Variants in ZNF704 observed in about 807,000 individuals in gnomAD.
The protein encoded by ZNF704 is glucocorticoid induced gene 1.
ZNF704 carries 10 observed loss-of-function variants against 44.7 expected under a neutral mutation model. The observed-to-expected ratio is 0.22, with a 90% CI of 0.14 to 0.38. The LOEUF is 0.38. Ranked by LOEUF, ZNF704 falls within the 10% of genes least tolerant of loss-of-function variation. The pLI is 1.00. For missense variants in ZNF704, 390 were observed against 545.5 expected, an observed-to-expected ratio of 0.71 and a Z score of 2.84; for synonymous variants, 211 against 207.6, an observed-to-expected ratio of 1.02 and a Z score of -0.14.
intron 2 of ZNF704, among the ~76,000 whole-genome samples, chr8:80,790,579 T>C (rs1347494117): frequency 6.6e-6 from 1 of 152,016 alleles, no homozygotes; most frequent in Non-Finnish European, 1.5e-5. Flanking sequence ...AGTGATCAGG[T>C]GACAATGATA....
chr8:80,676,210 C>CA (rs1818363415), intron 4 of ZNF704, among the ~76,000 whole-genome samples: 1 of 152,090 alleles, frequency 6.6e-6, no homozygotes, highest in Non-Finnish European at 1.5e-5. Flanking sequence ...TTTAGGAAAA[C>CA]AGAGAGAGTA....
intron 1 of ZNF704, among the ~76,000 whole-genome samples, chr8:80,851,454 C>G (rs1808862172): frequency 6.6e-6 from 1 of 151,924 alleles, no homozygotes; most frequent in South Asian, 2.1e-4. Flanking sequence ...CTATCACATT[C>G]TCAGCAAACT....
At chr8:80,715,322 ATTCT>A (rs1373194572) in intron 2 of ZNF704, among the ~76,000 whole-genome samples, 1 of 152,018 alleles carries the variant, frequency 6.6e-6, no homozygotes, top group Non-Finnish European at 1.5e-5. Context: ...TGAACGTTTT[ATTCT>A]TTTTCTTCTG....
intron 1 of ZNF704, among the ~76,000 whole-genome samples, chr8:80,850,705 C>A (rs922973107): frequency 8.5e-5 from 13 of 152,176 alleles, no homozygotes; most frequent in Non-Finnish European, 1.5e-4. Flanking sequence ...TACAGACTCC[C>A]CTAAGTAGTG....
In ZNF704 at chr8:80,808,710, T is replaced by C. The variant is rs570986004; in HGVS notation, c.221+12664A>G. On this transcript the variant is annotated intron_variant, in intron 2 of 8. Transcript: ENST00000327835. The stretch of plus-strand genomic sequence containing the variant: ...TCAACGTGATCGTTTGATACAATCA[T>C]TAAGACTAGCTACCTGCTTAGTATT... Among the ~76,000 whole-genome samples the C allele has an allele frequency of 2.6e-5, 4 of 152,312 alleles. No individual in the cohort carries two copies. The East Asian group carries it at 7.7e-4, about 29-fold the overall frequency.
upstream of ZNF704, among the ~76,000 whole-genome samples, chr8:80,878,249 AAAGAAAGGAAGGAAGGAAGG>A (rs1188169608): frequency 2.2e-5 from 3 of 137,094 alleles, no homozygotes; most frequent in Admixed American, 7.7e-5. Flanking sequence ...AAAGAAAGAG[AAAGAAAGGAAGGAAGGAAGG>A]AAGGAAGGAA....
At chr8:80,709,867 C>T (rs745312670) in intron 2 of ZNF704, among the ~76,000 whole-genome samples, 2 of 152,168 alleles carry the variant, frequency 1.3e-5, no homozygotes, top group Non-Finnish European at 1.5e-5. Flanking sequence ...CCACCATGCT[C>T]CCCACAGTAG....
chr8:80,764,173 T>C (rs1021517482), intron 2 of ZNF704, among the ~76,000 whole-genome samples: 7 of 152,202 alleles, frequency 4.6e-5, no homozygotes, highest in Non-Finnish European at 8.8e-5. Context: ...CCCCACTCTC[T>C]GTGGTACCAA....
chr8:80,682,170 C>T (rs992342195), intron 4 of ZNF704, among the ~76,000 whole-genome samples: 6 of 152,166 alleles, frequency 3.9e-5, no homozygotes, highest in Admixed American at 2.6e-4. Flanking sequence ...CATGCTTATT[C>T]GTGAGGGTTT....
chr8:80,739,841 C>G (rs1251916776), intron 2 of ZNF704, among the ~76,000 whole-genome samples: 3 of 152,184 alleles, frequency 2.0e-5, no homozygotes, highest in Non-Finnish European at 4.4e-5. Context: ...GTCCATGTCC[C>G]TTATGTCAAG....
chr8:80,657,198 A>T (rs1169496268), intron 7 of ZNF704, among the ~76,000 whole-genome samples: 1 of 152,138 alleles, frequency 6.6e-6, no homozygotes, highest in East Asian at 1.9e-4. Context: ...ATGGCCAGAG[A>T]GTTTAGCAAC....
intron 2 of ZNF704, among the ~76,000 whole-genome samples, chr8:80,742,012 A>G (rs1395815230): frequency 6.6e-6 from 1 of 152,206 alleles, no homozygotes; most frequent in Non-Finnish European, 1.5e-5. Context: ...ATGCCCACAC[A>G]GCAATATGGA....
rs1817644019 is a variant in ZNF704 at position 80,635,000 on chromosome 8, G to C, written c.*6366C>G. On this transcript the variant is annotated 3_prime_UTR_variant, in exon 9 of 9. Transcript: ENST00000327835. ...AACTCTGTGCATTTCTAGTCCTCAA[G>C]TGTGCAGATTCTAAAGCCTATTTGA... The C allele has an allele frequency of 6.6e-6, 1 of 152,174 alleles. No homozygotes were observed. The highest frequency in any genetic ancestry group is 2.4e-5 in the African/African-American group (1 of 41,444). The allele number at this position is 152,174 out of a possible 1,614,324, so 9.4% of individuals were successfully genotyped here.
intron 1 of ZNF704, among the ~76,000 whole-genome samples, chr8:80,840,263 G>A (rs2129961149): frequency 6.6e-6 from 1 of 152,320 alleles, no homozygotes; most frequent in East Asian, 1.9e-4. Context: ...GGCTTTGACT[G>A]TGGCCAACAC....
At chr8:80,801,430 T>A (rs746495861) in intron 2 of ZNF704, among the ~76,000 whole-genome samples, 7 of 152,078 alleles carry the variant, frequency 4.6e-5, no homozygotes, top group Non-Finnish European at 1.0e-4. Flanking sequence ...AAAAACACTC[T>A]ACAGCAAATG....
chr8:80,855,604 A>T (rs888662725), intron 1 of ZNF704, among the ~76,000 whole-genome samples: 1 of 152,176 alleles, frequency 6.6e-6, no homozygotes, highest in East Asian at 1.9e-4. Context: ...AATGATACAC[A>T]ACAGTAACAG....
rs1380444838 is a variant in ZNF704, at chr8:80,648,008, G to A, written c.1033-4879C>T. On this transcript the variant is annotated intron_variant, in intron 7 of 8. Coordinates refer to ENST00000327835, the MANE Select transcript of ZNF704 (RefSeq NM_001033723.3). ...GGTTGAGGGGCCGGCATGTGACAAC[G>A]GCCTTCTCGCTGTGTCATCCCAGGG... Among the ~76,000 whole-genome samples the A allele has an allele frequency of 9.9e-5, 15 of 152,122 alleles. 1 individual carries two copies. Among genetic ancestry groups the A allele is most frequent in the Admixed American group, 7.9e-4 (12 of 15,272 alleles).
At chr8:80,835,738 A>T (rs1377922987) in intron 1 of ZNF704, among the ~76,000 whole-genome samples, 2 of 152,260 alleles carry the variant, frequency 1.3e-5, no homozygotes, top group Non-Finnish European at 2.9e-5. Context: ...GACAGAGGGA[A>T]AATCCATTAT....
At chr8:80,713,635 T>G (rs1000175027) in intron 2 of ZNF704, among the ~76,000 whole-genome samples, 1 of 152,242 alleles carries the variant, frequency 6.6e-6, no homozygotes, top group Admixed American at 6.5e-5. Flanking sequence ...AGAAGAGAGA[T>G]AATGCAGAAG....
Sources: allele counts gnomAD v4.1 joint callset (sites outside exome capture counted in the v4.1 genomes callset), GRCh38; gene constraint gnomAD v4.1.1; transcripts MANE v1.5; gene names NCBI Gene and HGNC (gene_info 2026-07-23, HGNC 2026-07-21).